The following PPP1R14C variants were observed in gnomAD, a reference collection of about 807,000 sequenced individuals.
The protein encoded by PPP1R14C is protein phosphatase 1 regulatory subunit 14C.
Under a neutral mutation model 20.4 loss-of-function variants are expected in PPP1R14C, and 16 were observed. The observed-to-expected ratio is 0.78, with a 90% confidence interval of 0.53 to 1.19. The LOEUF is 1.19. PPP1R14C is among the 50% of genes most tolerant of loss of function. The probability of loss-of-function intolerance (pLI) is 0.00; values close to 1 mark genes in which losing one functional copy is unlikely to be tolerated. For synonymous variants in PPP1R14C, 91 were observed against 91.0 expected (o/e 1.00, Z 0.00); for missense variants, 211 against 220.1 (o/e 0.96, Z 0.26).
At chr6:150,174,917 G>C (rs1777544660) in intron 1 of PPP1R14C, among the ~76,000 whole-genome samples, 1 of 150,620 alleles carries the variant, frequency 6.6e-6, no homozygotes, top group Admixed American at 6.6e-5. Flanking sequence ...GGTGAGCTGA[G>C]ATCATGCCAC....
intron 1 of PPP1R14C, chr6:150,195,767 T>C: frequency 1.1e-6 from 1 of 880,840 alleles, no homozygotes; most frequent in Non-Finnish European, 1.4e-6. Context: ...ATCCCCACCA[T>C]TCATCTCCCG....
intron 1 of PPP1R14C, among the ~76,000 whole-genome samples, chr6:150,179,056 G>C (rs113348322): frequency 1.3e-5 from 2 of 152,258 alleles, no homozygotes; most frequent in African/African-American, 4.8e-5. Context: ...TTCCTTTTAG[G>C]AGGAAGGGAG....
intron 3 of PPP1R14C, among the ~76,000 whole-genome samples, chr6:150,231,621 T>C (rs938121442): frequency 1.4e-4 from 22 of 152,240 alleles, no homozygotes; most frequent in Non-Finnish European, 2.6e-4. Context: ...TCTTATTTCT[T>C]ATGCACTCAC....
chr6:150,211,953 C>T (rs1056787572), intron 1 of PPP1R14C, among the ~76,000 whole-genome samples: 14 of 152,212 alleles, frequency 9.2e-5, no homozygotes, highest in Non-Finnish European at 1.8e-4. Context: ...TTCCCCAACC[C>T]TTGAGATCTG....
chr6:150,174,514 C>T (rs1777539298), intron 1 of PPP1R14C, among the ~76,000 whole-genome samples: 1 of 151,796 alleles, frequency 6.6e-6, no homozygotes, highest in Admixed American at 6.6e-5. Context: ...CCACGCCTGG[C>T]CGTGTGTGCA....
chr6:150,241,825 T>C (rs1481320144), intron 3 of PPP1R14C, among the ~76,000 whole-genome samples: 2 of 152,100 alleles, frequency 1.3e-5, no homozygotes, highest in Non-Finnish European at 2.9e-5. Flanking sequence ...AGGCGGAGGT[T>C]GCAATGAGCC....
chr6:150,162,868 T>C (rs1289350171), intron 1 of PPP1R14C, among the ~76,000 whole-genome samples: 1 of 152,146 alleles, frequency 6.6e-6, no homozygotes, highest in Non-Finnish European at 1.5e-5. Context: ...AGTGAGAGAC[T>C]GTGGCCAGGT....
intron 1 of PPP1R14C, among the ~76,000 whole-genome samples, chr6:150,166,282 A>G (rs1045494959): frequency 1.3e-5 from 2 of 151,988 alleles, no homozygotes; most frequent in African/African-American, 2.4e-5. Flanking sequence ...GGGTTTCACC[A>G]TGTTAGCCAG....
At chr6:150,206,872 GT>G (rs397962811) in intron 1 of PPP1R14C, among the ~76,000 whole-genome samples, 3 of 146,674 alleles carry the variant, frequency 2.0e-5, no homozygotes, top group African/African-American at 2.5e-5. Flanking sequence ...TTCTGTTTTT[GT>G]TTTTTTTTTG....
chr6:150,241,421 C>A (rs1468298803), intron 3 of PPP1R14C, among the ~76,000 whole-genome samples: 3 of 152,138 alleles, frequency 2.0e-5, no homozygotes, highest in African/African-American at 7.2e-5. Flanking sequence ...GTTGCTCTAG[C>A]AAATTATTGT....
intron 1 of PPP1R14C, among the ~76,000 whole-genome samples, chr6:150,174,501 C>T (rs1380971254): frequency 4.0e-5 from 6 of 151,286 alleles, no homozygotes; most frequent in South Asian, 4.2e-4. Flanking sequence ...CAGGCGTGAG[C>T]CACCACGCCT....
chr6:150,153,474 T>G (rs1582894763), intron 1 of PPP1R14C, among the ~76,000 whole-genome samples: 1 of 152,232 alleles, frequency 6.6e-6, no homozygotes, highest in African/African-American at 2.4e-5. Context: ...CTTCAGCATG[T>G]CCAAGAATTT....
chr6:150,146,326 CTG>C (rs1777179990), intron 1 of PPP1R14C, among the ~76,000 whole-genome samples: 1 of 152,190 alleles, frequency 6.6e-6, no homozygotes, highest in Admixed American at 6.5e-5. Context: ...TGAGGCCTGT[CTG>C]TACCGTGCAA....
chr6:150,205,805 AAT>A (rs1156450265), intron 1 of PPP1R14C, among the ~76,000 whole-genome samples: 3 of 150,532 alleles, frequency 2.0e-5, no homozygotes, highest in Non-Finnish European at 4.4e-5. Context: ...AAAAAAAAAA[AAT>A]AATGGAAATA....
At chr6:150,150,179 G>C (rs142712696) in intron 1 of PPP1R14C, among the ~76,000 whole-genome samples, 72 of 152,314 alleles carry the variant, frequency 4.7e-4, no homozygotes, top group Non-Finnish European at 9.6e-4. Flanking sequence ...AAGTCAATCT[G>C]TGTTTTTGTT....
Position 150,241,588 on chromosome 6 carries a change from TAAATAGTGTCAG to T in PPP1R14C, c.424-7155_424-7144del, listed in dbSNP as rs1487819582. Among the ~76,000 whole-genome samples the T allele has an allele frequency of 2.6e-5, 4 of 152,136 alleles. No homozygotes were observed. In the East Asian group the frequency reaches 7.8e-4, roughly 30 times the overall value. ...ATCTAACTCTAACGCCAGCTCCAGG[TAAATAGTGTCAG>T]AATCAGCCAGGCACAGTGGCTCACG... On this transcript the variant is annotated intron_variant, in intron 3 of 3. Transcript: ENST00000361131.
At chr6:150,238,575 G>C (rs1778393639) in intron 3 of PPP1R14C, among the ~76,000 whole-genome samples, 1 of 152,260 alleles carries the variant, frequency 6.6e-6, no homozygotes, top group African/African-American at 2.4e-5. Context: ...TTTGCCCGCA[G>C]GGCACCCGTT....
intron 1 of PPP1R14C, among the ~76,000 whole-genome samples, chr6:150,176,478 G>A (rs1777564156): frequency 5.9e-5 from 9 of 152,192 alleles, no homozygotes; most frequent in Admixed American, 5.9e-4. Flanking sequence ...GACAGAGAAG[G>A]AACATCTTGT....
chr6:150,184,131 T>A (rs1230778899), intron 1 of PPP1R14C, among the ~76,000 whole-genome samples: 1 of 152,228 alleles, frequency 6.6e-6, no homozygotes, highest in Non-Finnish European at 1.5e-5. Flanking sequence ...CCTTAGCAAC[T>A]AATTTGCAGG....
Sources: allele counts gnomAD v4.1 joint callset (sites outside exome capture counted in the v4.1 genomes callset), GRCh38; gene constraint gnomAD v4.1.1; transcripts MANE v1.5; gene names NCBI Gene and HGNC (gene_info 2026-07-23, HGNC 2026-07-21).